Variants in CLVS1 observed in about 807,000 individuals in gnomAD.
CLVS1 encodes the protein clavesin-1.
In CLVS1, 10 loss-of-function variants were observed where a neutral mutation model predicts 33.1. The observed-to-expected ratio is 0.30, with a 90% confidence interval of 0.19 to 0.51. CLVS1 has a LOEUF of 0.51. Ranked by LOEUF, CLVS1 falls within the 20% of genes least tolerant of loss-of-function variation. CLVS1 has a pLI of 0.97. For synonymous variants in CLVS1, 163 were observed against 166.1 expected, an observed-to-expected ratio of 0.98 and a Z score of 0.14; for missense variants, 343 against 433.4, an observed-to-expected ratio of 0.79 and a Z score of 1.85.
At chr8:61,212,881 C>T (rs999319879) in intron 2 of CLVS1, among the ~76,000 whole-genome samples, 37 of 152,136 alleles carry the variant, frequency 2.4e-4, no homozygotes, top group African/African-American at 7.5e-4. Flanking sequence ...GCCTGCTTCC[C>T]TAGTGCCCTC....
At chr8:60,990,297 T>A in the CLVS1 span, among the ~76,000 whole-genome samples, 2 of 152,192 alleles carry the variant, frequency 1.3e-5, no homozygotes, top group Admixed American at 1.3e-4. Flanking sequence ...GGAGGTCTGA[T>A]TATGGTCTGG....
chr8:61,275,932 G>T (rs982715006), intron 2 of CLVS1, among the ~76,000 whole-genome samples: 1 of 152,136 alleles, frequency 6.6e-6, no homozygotes, highest in African/African-American at 2.4e-5. Context: ...AAGATCATAT[G>T]GTTTTGCATA....
At chr8:61,150,005 A>G (rs1806496065) in intron 2 of CLVS1, among the ~76,000 whole-genome samples, 1 of 152,132 alleles carries the variant, frequency 6.6e-6, no homozygotes, top group Non-Finnish European at 1.5e-5. Flanking sequence ...GACTGTGCTC[A>G]GAATCTGTCA....
chr8:61,164,179 G>C (rs147486020), intron 2 of CLVS1, among the ~76,000 whole-genome samples: 55 of 152,316 alleles, frequency 3.6e-4, no homozygotes, highest in Middle Eastern at 6.8e-3. Flanking sequence ...TTAAAGGCCT[G>C]TGTTTAAAGA....
At chr8:61,101,601 T>G (rs937841680) in intron 1 of CLVS1, among the ~76,000 whole-genome samples, 2 of 152,162 alleles carry the variant, frequency 1.3e-5, no homozygotes, top group Admixed American at 6.5e-5. Flanking sequence ...GCTTTTGAAA[T>G]GTAAAAGTTT....
chr8:60,977,242 A>G, the CLVS1 span, among the ~76,000 whole-genome samples: 1 of 152,248 alleles, frequency 6.6e-6, no homozygotes, highest in African/African-American at 2.4e-5. Context: ...CCATAACATA[A>G]CACTCAAAAT....
chr8:61,340,894 T>G (rs1331197948), intron 2 of CLVS1, among the ~76,000 whole-genome samples: 1 of 152,216 alleles, frequency 6.6e-6, no homozygotes, highest in Non-Finnish European at 1.5e-5. Flanking sequence ...GTTCAATAAT[T>G]TTTAAACCCT....
intron 2 of CLVS1, among the ~76,000 whole-genome samples, chr8:61,266,580 A>G (rs7838420): frequency 6.6e-6 from 1 of 151,752 alleles, no homozygotes; most frequent in African/African-American, 2.4e-5. Context: ...ATCCTCTTTC[A>G]TCCTATTTCT....
intron 2 of CLVS1, among the ~76,000 whole-genome samples, chr8:61,244,597 A>C: frequency 6.6e-6 from 1 of 152,214 alleles, no homozygotes; most frequent in East Asian, 1.9e-4. Context: ...ATGAAAACTT[A>C]TACAACACCA....
chr8:61,006,051 G>C, the CLVS1 span, among the ~76,000 whole-genome samples: 2 of 152,130 alleles, frequency 1.3e-5, no homozygotes, highest in Admixed American at 1.3e-4. Flanking sequence ...GAAATGTCTG[G>C]TAGGAGGAAG....
At chr8:60,989,800 A>G in the CLVS1 span, among the ~76,000 whole-genome samples, 11 of 152,090 alleles carry the variant, frequency 7.2e-5, no homozygotes, top group Non-Finnish European at 1.5e-4. Flanking sequence ...AGGACAGATG[A>G]CTTGGTTTCT....
intron 5 of CLVS1, among the ~76,000 whole-genome samples, chr8:61,478,767 A>T (rs1818062677): frequency 6.6e-6 from 1 of 152,116 alleles, no homozygotes; most frequent in Admixed American, 6.5e-5. Context: ...TTGACTCTTT[A>T]TCCAATTTGC....
intron 3 of CLVS1, among the ~76,000 whole-genome samples, chr8:61,379,659 T>C (rs1813785984): frequency 6.6e-6 from 1 of 152,202 alleles, no homozygotes; most frequent in Non-Finnish European, 1.5e-5. Context: ...CACTTTGAGT[T>C]CTCTGGGGAG....
chr8:61,451,808 CACACAG>C (rs1816968496), intron 3 of CLVS1, among the ~76,000 whole-genome samples: 1 of 132,154 alleles, frequency 7.6e-6, no homozygotes, highest in African/African-American at 3.1e-5. Context: ...AACACACACA[CACACAG>C]AGAGAGAGAG....
chr8:60,977,341 C>T, the CLVS1 span, among the ~76,000 whole-genome samples: 5 of 152,268 alleles, frequency 3.3e-5, no homozygotes, highest in South Asian at 1.0e-3. Flanking sequence ...TGACAGAAAT[C>T]ATCCCTGAGG....
the CLVS1 span, among the ~76,000 whole-genome samples, chr8:61,019,282 G>A: frequency 3.3e-5 from 5 of 152,162 alleles, no homozygotes; most frequent in African/African-American, 4.8e-5. Context: ...CTGGCTGAAC[G>A]AACTCACTTA....
chr8:61,048,674 A>G, the CLVS1 span, among the ~76,000 whole-genome samples: 5 of 152,194 alleles, frequency 3.3e-5, no homozygotes, highest in African/African-American at 9.6e-5. Flanking sequence ...TTTTGCATCA[A>G]GCAGTGGTGG....
At chr8:61,361,248 G>A (rs1812966150) in intron 2 of CLVS1, among the ~76,000 whole-genome samples, 1 of 152,076 alleles carries the variant, frequency 6.6e-6, no homozygotes, top group Non-Finnish European at 1.5e-5. Flanking sequence ...AGATTTGGTG[G>A]GGACACAGAT....
chr8:61,479,932 A>G (rs2101709), intron 5 of CLVS1, among the ~76,000 whole-genome samples: 85,921 of 151,832 alleles, frequency 0.57, 27,863 homozygotes, highest in Non-Finnish European at 0.72. Flanking sequence ...CTGCCTGATC[A>G]TTCCCCTGGA....
Sources: allele counts gnomAD v4.1 joint callset (sites outside exome capture counted in the v4.1 genomes callset), GRCh38; gene constraint gnomAD v4.1.1; transcripts MANE v1.5; gene names NCBI Gene and HGNC (gene_info 2026-07-23, HGNC 2026-07-21).